The following SHTN1 variants were observed in gnomAD, a reference collection of about 807,000 sequenced individuals.
SHTN1 encodes shootin 1.
In SHTN1, 42 loss-of-function variants were observed where a neutral mutation model predicts 83.1. That is an observed-to-expected ratio of 0.51 (90% confidence interval 0.39 to 0.65). The LOEUF is 0.65. Ranked by LOEUF, SHTN1 falls within the 30% of genes least tolerant of loss-of-function variation. The probability of loss-of-function intolerance (pLI) is 0.00; values close to 1 mark genes in which losing one functional copy is unlikely to be tolerated. For missense variants in SHTN1, 622 were observed against 737.8 expected (o/e 0.84, Z 1.82); for synonymous variants, 224 against 247.7 (o/e 0.90, Z 0.90).
At chr10:116,992,391 C>G (rs986088527) in intron 1 of SHTN1, among the ~76,000 whole-genome samples, 4 of 152,164 alleles carry the variant, frequency 2.6e-5, no homozygotes, top group Non-Finnish European at 4.4e-5. Context: ...TAGGACGTGC[C>G]TCTAAAAGCA....
At chr10:116,910,783 C>T (rs1392842339) in intron 14 of SHTN1, among the ~76,000 whole-genome samples, 2 of 152,198 alleles carry the variant, frequency 1.3e-5, no homozygotes, top group Non-Finnish European at 2.9e-5. Context: ...TAGATAATCA[C>T]CACATGCTTT....
intron 1 of SHTN1, among the ~76,000 whole-genome samples, chr10:117,093,170 A>C (rs1697925297): frequency 6.6e-6 from 1 of 152,180 alleles, no homozygotes; most frequent in Admixed American, 6.5e-5. Flanking sequence ...CATATTACAC[A>C]TGAGGAACTA....
chr10:116,955,531 G>A (rs1458213951), intron 4 of SHTN1, among the ~76,000 whole-genome samples: 1 of 152,154 alleles, frequency 6.6e-6, no homozygotes, highest in East Asian at 1.9e-4. Flanking sequence ...TTTCCTCACT[G>A]TAAACCTGAC....
rs1013921085 is a variant in SHTN1, at chr10:117,078,761, G to T, written c.-188-30251C>A. Among the ~76,000 whole-genome samples the T allele has an allele frequency of 4.6e-4, 70 of 152,194 alleles. 1 individual carries two copies. The highest frequency in any genetic ancestry group is 4.6e-3 in the Admixed American group (70 of 15,286). ...GAACCAGAAGAGTAAAAACATGTAG[G>T]TAAATATAAATAAATTATTTATTTA... On this transcript the variant is annotated intron_variant, in intron 1 of 17. Transcript: ENST00000392901.
At chr10:116,991,516 G>A (rs1851436577) in intron 1 of SHTN1, among the ~76,000 whole-genome samples, 1 of 152,166 alleles carries the variant, frequency 6.6e-6, no homozygotes, top group South Asian at 2.1e-4. Context: ...GGAGAGAAGG[G>A]AAAGGTGTTA....
At chr10:117,009,613 CAT>C (rs1852071881), upstream of SHTN1, among the ~76,000 whole-genome samples, 1 of 151,934 alleles carries the variant, frequency 6.6e-6, no homozygotes, top group Non-Finnish European at 1.5e-5. Flanking sequence ...TTACTATAAA[CAT>C]ATATACAAGC....
intron 2 of SHTN1, among the ~76,000 whole-genome samples, chr10:117,011,630 A>C (rs923145304): frequency 6.6e-6 from 1 of 152,240 alleles, no homozygotes; most frequent in Non-Finnish European, 1.5e-5. Context: ...GTCATTAGAC[A>C]AATGCAAAAG....
intron 1 of SHTN1, among the ~76,000 whole-genome samples, chr10:117,084,512 G>C (rs1853317813): frequency 6.6e-6 from 1 of 152,230 alleles, no homozygotes; most frequent in African/African-American, 2.4e-5. Flanking sequence ...CCCGCCCCCA[G>C]AGGTGGAGCC....
intron 1 of SHTN1, among the ~76,000 whole-genome samples, chr10:117,001,286 A>C (rs760182466): frequency 3.3e-5 from 5 of 152,192 alleles, no homozygotes; most frequent in Non-Finnish European, 5.9e-5. Context: ...GAAAGACATA[A>C]TATAGCTAAT....
chr10:117,050,472 T>C (rs1852724671), intron 1 of SHTN1, among the ~76,000 whole-genome samples: 15 of 152,158 alleles, frequency 9.9e-5, no homozygotes, highest in Admixed American at 9.8e-4. Flanking sequence ...GGGAAATTCA[T>C]AGCCTACATT....
At chr10:117,004,885 G>C in intron 1 of SHTN1, 137 bp downstream of exon 1, 1 of 671,172 alleles carries the variant, frequency 1.5e-6, no homozygotes, top group Non-Finnish European at 2.4e-6. Context: ...TTCTCTGCGG[G>C]TGACGGAGCT....
upstream of SHTN1, among the ~76,000 whole-genome samples, chr10:117,009,619 T>C (rs755265140): frequency 4.0e-4 from 61 of 152,102 alleles, no homozygotes; most frequent in Admixed American, 3.3e-3. Context: ...TAAACATATA[T>C]ACAAGCTGGG....
At chr10:117,077,917 G>C (rs530423117) in intron 1 of SHTN1, among the ~76,000 whole-genome samples, 1 of 152,110 alleles carries the variant, frequency 6.6e-6, no homozygotes. Flanking sequence ...GTTTACAATG[G>C]GTAACTCATT....
chr10:116,994,241 T>C (rs1851548658), intron 1 of SHTN1, among the ~76,000 whole-genome samples: 1 of 152,084 alleles, frequency 6.6e-6, no homozygotes, highest in African/African-American at 2.4e-5. Flanking sequence ...TAAGTAGATG[T>C]TATTTAAAGG....
chr10:117,120,547 C>T (rs1001861275), intron 1 of SHTN1, among the ~76,000 whole-genome samples: 3 of 151,952 alleles, frequency 2.0e-5, no homozygotes, highest in Non-Finnish European at 4.4e-5. Flanking sequence ...AGCGCCTGGC[C>T]CCATGATGTG....
At chr10:116,941,449 T>G (rs1339942030) in intron 8 of SHTN1, among the ~76,000 whole-genome samples, 2 of 152,240 alleles carry the variant, frequency 1.3e-5, no homozygotes, top group East Asian at 3.8e-4. Flanking sequence ...ACCTGTTATT[T>G]CTTTTCCTTA....
chr10:117,025,930 G>A (rs996385070), intron 2 of SHTN1, among the ~76,000 whole-genome samples: 1 of 152,160 alleles, frequency 6.6e-6, no homozygotes, highest in Non-Finnish European at 1.5e-5. Context: ...ATACTATGTC[G>A]AGGGCCTTGG....
intron 2 of SHTN1, among the ~76,000 whole-genome samples, chr10:117,020,242 C>A (rs1248657270): frequency 2.0e-5 from 3 of 151,778 alleles, no homozygotes; most frequent in African/African-American, 7.3e-5. Context: ...GTAATCCCAG[C>A]ACTTTGGGAG....
At chr10:117,115,650 T>C (rs922553027) in intron 1 of SHTN1, among the ~76,000 whole-genome samples, 1 of 152,200 alleles carries the variant, frequency 6.6e-6, no homozygotes, top group Non-Finnish European at 1.5e-5. Flanking sequence ...ACTGTCACAT[T>C]AATAATCCAG....
Sources: gnomAD v4.1 joint callset for allele counts (sites outside exome capture counted in the v4.1 genomes callset) on GRCh38, gnomAD v4.1.1 for gene constraint, MANE v1.5 for transcripts, NCBI Gene and HGNC (gene_info 2026-07-23, HGNC 2026-07-21) for gene names.